The following PAQR7 variants were observed in gnomAD, a reference collection of about 807,000 sequenced individuals.
PAQR7 encodes the protein progestin and adipoQ receptor family member 7, also known as membrane progestin receptor alpha.
A neutral mutation model predicts 24.6 loss-of-function variants in PAQR7; 14 were observed. The ratio of observed to expected loss-of-function variants is 0.57; its 90% CI spans 0.38 to 0.89. The LOEUF is 0.89. PAQR7 is among the 40% of genes least tolerant of loss of function. The pLI is 0.00. For synonymous variants in PAQR7, 189 were observed against 198.8 expected (o/e 0.95, Z 0.42); for missense variants, 351 against 444.0 (o/e 0.79, Z 1.88).
intron 1 of PAQR7, among the ~76,000 whole-genome samples, chr1:25,873,775 T>C (rs2048623773): frequency 6.6e-6 from 1 of 152,178 alleles, no homozygotes; most frequent in African/African-American, 2.4e-5. Context: ...CTCACTATGT[T>C]GCCCAGGCTG....
At position 25,862,500 on chromosome 1, in the gene PAQR7, C is replaced by A. The variant is rs917284104; in HGVS notation, c.*299G>T. 4.5e-5 allele frequency: 16 copies of A among 359,152 alleles called. No individual in the cohort carries two copies. The highest frequency in any genetic ancestry group is 3.1e-4 in the African/African-American group (15 of 48,242). The allele number at this position is 359,152 out of a possible 1,614,324, so 22.2% of individuals were successfully genotyped here. ...GAAGCCCCAATCCTCACCAAGCTGA[C>A]CCCCAGCCTCACCCCAGTGAGTGGC... On this transcript the variant is annotated 3_prime_UTR_variant, in exon 3 of 3. Transcript: ENST00000675840.
chr1:25,868,647 T>C (rs927283618), intron 2 of PAQR7, among the ~76,000 whole-genome samples: 1 of 148,662 alleles, frequency 6.7e-6, no homozygotes. Context: ...GAGGCAGAGG[T>C]TGCCGGGAGC....
In PAQR7 at chr1:25,872,574, G is replaced by A. The variant is rs147914810; in HGVS notation, c.-108-1880C>T. On this transcript the variant is annotated intron_variant, in intron 1 of 2. Coordinates refer to ENST00000675840, the MANE Select transcript of PAQR7 (RefSeq NM_178422.6). ...TCTGTCCCCCAGGCTGGAGTGCAGT[G>A]GTGCAAACACAGCTCACTGCAGCCT... Among the ~76,000 whole-genome samples, 16 of 147,390 alleles carry A rather than the reference G, an allele frequency of 1.1e-4. 1 individual carries two copies. In the East Asian group the frequency reaches 3.2e-3, roughly 29 times the overall value.
chr1:25,864,984 G>A (rs375583873), intron 2 of PAQR7, among the ~76,000 whole-genome samples: 7 of 150,984 alleles, frequency 4.6e-5, no homozygotes, highest in East Asian at 2.0e-4. Flanking sequence ...GTGAAACCCC[G>A]TCTCTACTAA....
At chr1:25,865,391 A>T (rs967155013) in intron 2 of PAQR7, among the ~76,000 whole-genome samples, 2 of 151,960 alleles carry the variant, frequency 1.3e-5, no homozygotes, top group Admixed American at 1.3e-4. Context: ...AAAGAACAAC[A>T]TGACCGGGCG....
In PAQR7 at chr1:25,862,371, G is replaced by T. The variant is rs76727523; in HGVS notation, c.*428C>A. On this transcript the variant is annotated 3_prime_UTR_variant, in exon 3 of 3. Transcript: ENST00000675840. Reference sequence around the variant, plus strand: ...TATATATTTTGGGCCTACCCCTTCCGCATCCAGCAATGAAATCTGAGTAGA... The same window carrying T: ...TATATATTTTGGGCCTACCCCTTCCTCATCCAGCAATGAAATCTGAGTAGA... 6,015 of 184,180 alleles carry T rather than the reference G, an allele frequency of 0.033. 386 individuals are homozygous for T. Among genetic ancestry groups the T allele is most frequent in the African/African-American group, 0.13 (5,640 of 41,996 alleles). The allele number at this position is 184,180 out of a possible 1,614,324, so 11.4% of individuals were successfully genotyped here.
intron 1 of PAQR7, among the ~76,000 whole-genome samples, chr1:25,872,681 T>G (rs2048615497): frequency 6.6e-6 from 1 of 152,080 alleles, no homozygotes. Context: ...GCCTATTTTT[T>G]TAAATTATGT....
intron 2 of PAQR7, 127 bp downstream of exon 2, chr1:25,870,482 T>C (rs539906856): frequency 1.3e-4 from 20 of 152,306 alleles, no homozygotes; most frequent in African/African-American, 4.8e-4. Context: ...ACCACTCCCA[T>C]AGTGGTGAAA....
At chr1:25,872,509 ATTTTTTTT>A (rs55654329) in intron 1 of PAQR7, among the ~76,000 whole-genome samples, 9 of 108,904 alleles carry the variant, frequency 8.3e-5, no homozygotes, top group African/African-American at 2.2e-4. Flanking sequence ...ACACCACAGG[ATTTTTTTT>A]TTTTTTTTTT....
Position 25,863,015 on chromosome 1 carries a change from G to A in PAQR7, c.825C>T (p.His275=), listed in dbSNP as rs1417828531. 1 of 1,614,050 alleles carries A rather than the reference G, an allele frequency of 6.2e-7. No homozygotes were observed. The highest frequency in any genetic ancestry group is 1.3e-5 in the African/African-American group (1 of 74,938). ...PGSCHVFGQG[H]QLFHIFLVLC... is the part of the protein sequence containing the mutation. ...GCACCAAGAAGATGTGGAAAAGTTG[G>A]TGGCCCTGCCCGAAGACATGGCAGC... Residue 275 remains histidine (H), a synonymous_variant, in exon 3 of 3, where the codon CAC becomes CAT. Coordinates refer to ENST00000675840, the MANE Select transcript of PAQR7 (RefSeq NM_178422.6). The surrounding 1 kb of genome is among the most constrained non-coding windows in gnomAD (Gnocchi z 6.1).
At chr1:25,864,967 T>A (rs982843265) in intron 2 of PAQR7, among the ~76,000 whole-genome samples, 1 of 151,298 alleles carries the variant, frequency 6.6e-6, no homozygotes, top group African/African-American at 2.4e-5. Flanking sequence ...CCATCCTGGC[T>A]AACACGGTGA....
At chr1:25,867,385 C>T (rs56194092) in intron 2 of PAQR7, among the ~76,000 whole-genome samples, 7,083 of 152,168 alleles carry the variant, frequency 0.047, 546 homozygotes, top group African/African-American at 0.16. Context: ...GGCTATTTAT[C>T]GTTTCCTAAT....
At chr1:25,865,465 G>T (rs927952537) in intron 2 of PAQR7, among the ~76,000 whole-genome samples, 1 of 151,082 alleles carries the variant, frequency 6.6e-6, no homozygotes, top group South Asian at 2.1e-4. Context: ...ACCTGAGGTC[G>T]GGAGGTCGAG....
chr1:25,873,579 G>A (rs1027753486), intron 1 of PAQR7, among the ~76,000 whole-genome samples: 19 of 151,790 alleles, frequency 1.3e-4, no homozygotes, highest in Admixed American at 1.2e-3. Context: ...AATGAAATAA[G>A]TAACTATTTC....
intron 2 of PAQR7, among the ~76,000 whole-genome samples, chr1:25,869,570 A>T (rs1481608271): frequency 1.5e-4 from 1 of 6,604 alleles, no homozygotes; most frequent in Admixed American, 1.7e-3. Flanking sequence ...AGACTCTCTA[A>T]AAAAAAAAAA....
Position 25,862,845 on chromosome 1 carries a change from A to G in PAQR7, c.995T>C (p.Leu332Pro), listed in dbSNP as rs757320225. 239 of 1,613,906 alleles carry G rather than the reference A, an allele frequency of 1.5e-4. No homozygotes were observed. Among genetic ancestry groups the G allele is most frequent in the Non-Finnish European group, 1.9e-4 (222 of 1,180,010 alleles). The change falls in exon 3 of 3, where the codon CTC becomes CCC. Residue 332 changes from leucine to proline, a missense_variant. Coordinates refer to ENST00000675840, the MANE Select transcript of PAQR7 (RefSeq NM_178422.6). ...TVGSSILTAFLLSQLVQRKLD... is the reference protein window; with the variant it reads ...TVGSSILTAFPLSQLVQRKLD... Reference sequence around the variant, plus strand: ...TTTGCGCTGTACCAGCTGGCTCAGGAGGAATGCAGTGAGGATGCTGCTGCC... The same window carrying G: ...TTTGCGCTGTACCAGCTGGCTCAGGGGGAATGCAGTGAGGATGCTGCTGCC...
rs988029873 is a variant in PAQR7 at position 25,862,626 on chromosome 1, C to T, written c.*173G>A. The T allele has an allele frequency of 2.0e-5, 15 of 746,590 alleles. No individual in the cohort carries two copies. The highest frequency in any genetic ancestry group is 2.8e-5 in the Non-Finnish European group (13 of 465,656). 46.2% of individuals were successfully genotyped at this position (746,590 alleles called of 1,614,324 possible). ...AGGAGTGGACCCCAGCAACTCCTAGCCAATCCCTAAATCCAAGAATTGGCC... is the reference window on the plus strand; with the variant it reads ...AGGAGTGGACCCCAGCAACTCCTAGTCAATCCCTAAATCCAAGAATTGGCC... On this transcript the variant is annotated 3_prime_UTR_variant, in exon 3 of 3. Transcript: ENST00000675840.
intron 1 of PAQR7, among the ~76,000 whole-genome samples, chr1:25,871,954 A>G (rs2048609813): frequency 6.6e-6 from 1 of 152,198 alleles, no homozygotes; most frequent in Non-Finnish European, 1.5e-5. Flanking sequence ...GGAGAACTGG[A>G]GAAGACTGCT....
intron 2 of PAQR7, among the ~76,000 whole-genome samples, chr1:25,868,300 G>A (rs1319075620): frequency 6.6e-6 from 1 of 152,198 alleles, no homozygotes; most frequent in Non-Finnish European, 1.5e-5. Context: ...AGCGAATGAT[G>A]GCGATGGCTG....
Sources: gnomAD v4.1 joint callset for allele counts (sites outside exome capture counted in the v4.1 genomes callset) on GRCh38, gnomAD v4.1.1 for gene constraint, Gnocchi (gnomAD v3.1) non-coding constraint, MANE v1.5 for transcripts, NCBI Gene and HGNC (gene_info 2026-07-23, HGNC 2026-07-21) for gene names.